SAMD5: variants seen among roughly 807,000 people sequenced by gnomAD.
SAMD5 encodes the protein sterile alpha motif domain containing 5, also known as sterile alpha motif domain-containing protein 5.
Under a neutral mutation model 11.3 loss-of-function variants are expected in SAMD5, and 13 were observed. That is an observed-to-expected ratio of 1.15 (90% CI 0.75 to 1.83). SAMD5 has a LOEUF of 1.83. Ranked by LOEUF, SAMD5 falls within the 40% of genes most tolerant of loss-of-function variation. The pLI is 0.00. For synonymous variants in SAMD5, 129 were observed against 111.3 expected, an observed-to-expected ratio of 1.16 and a Z score of -1.00; for missense variants, 255 against 239.1, an observed-to-expected ratio of 1.07 and a Z score of -0.44.
chr6:147,524,756 G>A (rs137863785), intron 1 of SAMD5, among the ~76,000 whole-genome samples: 72 of 152,196 alleles, frequency 4.7e-4, no homozygotes, highest in African/African-American at 1.7e-3. Context: ...TGGTGGTCTC[G>A]TCAGATATAT....
the SAMD5 span, among the ~76,000 whole-genome samples, chr6:147,761,121 T>C: frequency 6.6e-6 from 1 of 152,172 alleles, no homozygotes; most frequent in African/African-American, 2.4e-5. Flanking sequence ...TTAAAATCCT[T>C]TAGAGCTTTT....
chr6:147,929,712 C>G, the SAMD5 span, among the ~76,000 whole-genome samples: 1 of 152,100 alleles, frequency 6.6e-6, no homozygotes, highest in Non-Finnish European at 1.5e-5. Flanking sequence ...AACTTATATT[C>G]TGCTACTGGA....
chr6:147,706,840 G>A (rs1791331233), intron 1 of SAMD5, among the ~76,000 whole-genome samples: 1 of 152,194 alleles, frequency 6.6e-6, no homozygotes, highest in Non-Finnish European at 1.5e-5. Flanking sequence ...CACTCATTGG[G>A]ACAATGCTGA....
intron 1 of SAMD5, among the ~76,000 whole-genome samples, chr6:147,552,576 A>G (rs1399001345): frequency 6.6e-6 from 1 of 152,172 alleles, no homozygotes; most frequent in Non-Finnish European, 1.5e-5. Flanking sequence ...GTTTTATATA[A>G]ACACATTTGA....
At chr6:147,639,368 A>C (rs1790276959) in intron 1 of SAMD5, among the ~76,000 whole-genome samples, 1 of 152,254 alleles carries the variant, frequency 6.6e-6, no homozygotes, top group Non-Finnish European at 1.5e-5. Context: ...GTTTTATTCT[A>C]TGTAGCCCAC....
chr6:147,547,977 G>T (rs1273956235), intron 1 of SAMD5, among the ~76,000 whole-genome samples: 2 of 152,124 alleles, frequency 1.3e-5, no homozygotes, highest in Non-Finnish European at 2.9e-5. Context: ...TCTTTTAAAG[G>T]CTTCTTGATA....
chr6:147,878,838 T>C, the SAMD5 span, among the ~76,000 whole-genome samples: 2 of 151,860 alleles, frequency 1.3e-5, no homozygotes, highest in Non-Finnish European at 2.9e-5. Context: ...CACTGCAAGC[T>C]CCACCTCCTG....
intron 1 of SAMD5, among the ~76,000 whole-genome samples, chr6:147,719,938 A>C (rs1231630816): frequency 1.3e-5 from 2 of 152,210 alleles, no homozygotes; most frequent in African/African-American, 2.4e-5. Context: ...CTAATGCCTG[A>C]ACTCTTGACA....
At chr6:147,608,664 G>A (rs1156684849) in intron 1 of SAMD5, among the ~76,000 whole-genome samples, 2 of 152,098 alleles carry the variant, frequency 1.3e-5, no homozygotes, top group Non-Finnish European at 2.9e-5. Flanking sequence ...GGGGTTGCAG[G>A]GAAGGGTGGG....
intron 1 of SAMD5, among the ~76,000 whole-genome samples, chr6:147,590,874 T>C (rs1438612331): frequency 6.6e-6 from 1 of 152,228 alleles, no homozygotes; most frequent in Non-Finnish European, 1.5e-5. Context: ...AACTAAATGG[T>C]AATAAATTGT....
intron 1 of SAMD5, among the ~76,000 whole-genome samples, chr6:147,527,062 T>C (rs1306345417): frequency 1.3e-5 from 2 of 152,236 alleles, no homozygotes; most frequent in East Asian, 1.9e-4. Context: ...CACCTTATCC[T>C]CCAGCTTTGA....
At chr6:147,949,871 T>C in the SAMD5 span, among the ~76,000 whole-genome samples, 1 of 152,266 alleles carries the variant, frequency 6.6e-6, no homozygotes, top group Non-Finnish European at 1.5e-5. Flanking sequence ...TCTTAAATAA[T>C]TCAAGTATGA....
At chr6:147,880,665 T>G in the SAMD5 span, among the ~76,000 whole-genome samples, 2 of 152,152 alleles carry the variant, frequency 1.3e-5, no homozygotes. Flanking sequence ...GTCCTCTCCT[T>G]CAGCTCGTGG....
At chr6:147,918,485 G>A in the SAMD5 span, among the ~76,000 whole-genome samples, 13 of 152,224 alleles carry the variant, frequency 8.5e-5, no homozygotes, top group East Asian at 2.5e-3. Context: ...AGTGTTGGAA[G>A]TTCTGGCCAG....
the SAMD5 span, among the ~76,000 whole-genome samples, chr6:147,784,854 C>T: frequency 6.6e-6 from 1 of 152,128 alleles, no homozygotes; most frequent in South Asian, 2.1e-4. Context: ...AAACAAACTG[C>T]ATTGTATCTG....
At chr6:147,788,726 A>G in the SAMD5 span, among the ~76,000 whole-genome samples, 6 of 152,166 alleles carry the variant, frequency 3.9e-5, no homozygotes, top group Non-Finnish European at 8.8e-5. Flanking sequence ...TGGAGGTGTG[A>G]TGATGCTTGC....
chr6:147,545,743 T>C (rs779225993), intron 1 of SAMD5, among the ~76,000 whole-genome samples: 1 of 152,202 alleles, frequency 6.6e-6, no homozygotes, highest in Non-Finnish European at 1.5e-5. Context: ...TGTGTGTATA[T>C]ATAAAACACA....
intron 1 of SAMD5, among the ~76,000 whole-genome samples, chr6:147,720,391 A>G (rs1332364261): frequency 6.6e-6 from 1 of 151,786 alleles, no homozygotes; most frequent in Non-Finnish European, 1.5e-5. Flanking sequence ...GGAACCCAGG[A>G]GGCGGAGCTT....
chr6:147,776,599 TG>T, the SAMD5 span, among the ~76,000 whole-genome samples: 11 of 152,230 alleles, frequency 7.2e-5, no homozygotes, highest in African/African-American at 4.8e-5. Flanking sequence ...CAGGATGAAC[TG>T]AGAAAGGCCA....
Sources: gnomAD v4.1 joint callset for allele counts (sites outside exome capture counted in the v4.1 genomes callset) on GRCh38, gnomAD v4.1.1 for gene constraint, MANE v1.5 for transcripts, NCBI Gene and HGNC (gene_info 2026-07-23, HGNC 2026-07-21) for gene names.